The following C8orf34 variants were observed in gnomAD, a reference collection of about 807,000 sequenced individuals.
C8orf34 encodes the protein chromosome 8 open reading frame 34, also known as uncharacterized protein C8orf34.
In C8orf34, 65 loss-of-function variants were observed where a neutral mutation model predicts 68.3. The ratio of observed to expected loss-of-function variants is 0.95; its 90% CI spans 0.78 to 1.17. The LOEUF (loss-of-function observed/expected upper bound fraction) is 1.17. Among genes scored for constraint, C8orf34 ranks in the 50% most tolerant of loss-of-function variants. C8orf34 has a pLI of 0.00. For synonymous variants in C8orf34, 244 were observed against 241.2 expected, an observed-to-expected ratio of 1.01 and a Z score of -0.11; for missense variants, 664 against 655.4, an observed-to-expected ratio of 1.01 and a Z score of -0.14.
At chr8:68,662,871 A>G (rs1819723973) in intron 8 of C8orf34, among the ~76,000 whole-genome samples, 1 of 152,192 alleles carries the variant, frequency 6.6e-6, no homozygotes, top group Non-Finnish European at 1.5e-5. Context: ...AAAGCACCAT[A>G]CTTTGGAGTA....
intron 8 of C8orf34, among the ~76,000 whole-genome samples, chr8:68,671,005 C>T (rs1446849708): frequency 1.3e-5 from 2 of 152,150 alleles, no homozygotes; most frequent in African/African-American, 4.8e-5. Flanking sequence ...CCCTATCTAG[C>T]ACAACTTAAT....
chr8:68,748,617 C>G (rs1181316283), intron 10 of C8orf34, among the ~76,000 whole-genome samples: 2 of 152,098 alleles, frequency 1.3e-5, no homozygotes, highest in Non-Finnish European at 2.9e-5. Context: ...ATTTATGCAG[C>G]CAAAAAACAC....
chr8:68,479,210 C>T (rs6982746), intron 4 of C8orf34, among the ~76,000 whole-genome samples: 101,106 of 151,800 alleles, frequency 0.67, 34,002 homozygotes, highest in East Asian at 0.88. Flanking sequence ...ATGCAGTGGA[C>T]GGAAGAAGGA....
At chr8:68,356,022 A>G (rs1338107633) in intron 1 of C8orf34, among the ~76,000 whole-genome samples, 1 of 152,182 alleles carries the variant, frequency 6.6e-6, no homozygotes, top group Admixed American at 6.6e-5. Flanking sequence ...CTGCTTGAAT[A>G]TAAACTCCTT....
At chr8:68,774,260 G>A (rs184618595) in intron 10 of C8orf34, among the ~76,000 whole-genome samples, 20 of 150,572 alleles carry the variant, frequency 1.3e-4, no homozygotes, top group African/African-American at 4.7e-4. Flanking sequence ...GTGTCCGAAT[G>A]AGGGTAAGAT....
chr8:68,512,997 C>T (rs1376381277), intron 5 of C8orf34, among the ~76,000 whole-genome samples: 1 of 152,110 alleles, frequency 6.6e-6, no homozygotes, highest in Non-Finnish European at 1.5e-5. Context: ...TTCCATATGT[C>T]CCCAGGCCTT....
chr8:68,417,397 G>T (rs999547794), intron 1 of C8orf34, among the ~76,000 whole-genome samples: 1 of 151,988 alleles, frequency 6.6e-6, no homozygotes, highest in African/African-American at 2.4e-5. Context: ...TAATTTTAGT[G>T]TCTATCAGTC....
At position 68,460,994 on chromosome 8, in the gene C8orf34, G is replaced by A. The variant is rs11987518; in HGVS notation, c.608-7698G>A. ...AGGCTTCAGATGATCAAACTACTCC[G>A]AGCTACAGGAAGAAATTCAAACCAA... On this transcript the variant is annotated intron_variant, in intron 3 of 13. Coordinates refer to ENST00000518698, the MANE Select transcript of C8orf34 (RefSeq NM_052958.4). Among the ~76,000 whole-genome samples, 1,243 of 152,258 alleles carry A rather than the reference G, an allele frequency of 8.2e-3. 25 individuals are homozygous for A. The highest frequency in any genetic ancestry group is 0.028 in the African/African-American group (1,180 of 41,544).
intron 2 of C8orf34, among the ~76,000 whole-genome samples, chr8:68,444,581 C>T (rs930121657): frequency 2.0e-5 from 3 of 152,140 alleles, no homozygotes; most frequent in Non-Finnish European, 2.9e-5. Context: ...TGTTCTCTCT[C>T]CATATAGCTT....
At chr8:68,753,902 C>A (rs549971813) in intron 10 of C8orf34, among the ~76,000 whole-genome samples, 2 of 152,196 alleles carry the variant, frequency 1.3e-5, no homozygotes, top group Admixed American at 1.3e-4. Flanking sequence ...CTGCTCCTGG[C>A]CAGGAATAGA....
intron 2 of C8orf34, among the ~76,000 whole-genome samples, chr8:68,445,048 G>A (rs933217265): frequency 3.9e-5 from 6 of 152,122 alleles, no homozygotes; most frequent in Non-Finnish European, 5.9e-5. Flanking sequence ...CCTATATCCT[G>A]TCTTAACCTT....
intron 7 of C8orf34, among the ~76,000 whole-genome samples, chr8:68,626,294 C>T (rs62520960): frequency 1.2e-3 from 179 of 152,266 alleles, no homozygotes; most frequent in Admixed American, 3.1e-3. Flanking sequence ...CCATCCAAAT[C>T]TTGTTCCATT....
intron 7 of C8orf34, among the ~76,000 whole-genome samples, chr8:68,536,358 C>CAAAAAAAAAAAAA (rs10696903): frequency 4.1e-5 from 2 of 49,228 alleles, no homozygotes; most frequent in African/African-American, 1.7e-4. Flanking sequence ...GACCCTATCT[C>CAAAAAAAAAAAAA]AAAAAAAAAA....
chr8:68,544,126 T>C (rs1815791803), intron 7 of C8orf34, among the ~76,000 whole-genome samples: 1 of 152,068 alleles, frequency 6.6e-6, no homozygotes, highest in South Asian at 2.1e-4. Context: ...GAGAAGAGGG[T>C]ATGGACATAG....
At chr8:68,663,895 T>TG (rs1819760015) in intron 8 of C8orf34, among the ~76,000 whole-genome samples, 1 of 152,330 alleles carries the variant, frequency 6.6e-6, no homozygotes, top group African/African-American at 2.4e-5. Flanking sequence ...ACAAAGTGTT[T>TG]GGGGCAAAGA....
At chr8:68,680,156 A>G (rs1820324886) in intron 8 of C8orf34, among the ~76,000 whole-genome samples, 1 of 152,222 alleles carries the variant, frequency 6.6e-6, no homozygotes, top group African/African-American at 2.4e-5. Flanking sequence ...ATAGGAGGCC[A>G]TATTTGAAAA....
intron 5 of C8orf34, among the ~76,000 whole-genome samples, chr8:68,514,221 C>T (rs1814407220): frequency 6.6e-6 from 1 of 152,082 alleles, no homozygotes; most frequent in Non-Finnish European, 1.5e-5. Context: ...CAGTTCAGAT[C>T]CCAGCTTCCA....
At chr8:68,800,135 T>C (rs1045921561) in intron 12 of C8orf34, among the ~76,000 whole-genome samples, 3 of 152,162 alleles carry the variant, frequency 2.0e-5, no homozygotes, top group Non-Finnish European at 2.9e-5. Context: ...ATTAAGTAGA[T>C]AGCAGGAAAA....
At chr8:68,498,947 CA>C (rs1003751392) in intron 5 of C8orf34, among the ~76,000 whole-genome samples, 5 of 152,096 alleles carry the variant, frequency 3.3e-5, no homozygotes, top group Admixed American at 3.3e-4. Context: ...AAAATCACTT[CA>C]GGGGGTACAT....
Sources: gnomAD v4.1 joint callset for allele counts (sites outside exome capture counted in the v4.1 genomes callset) on GRCh38, gnomAD v4.1.1 for gene constraint, MANE v1.5 for transcripts, NCBI Gene and HGNC (gene_info 2026-07-23, HGNC 2026-07-21) for gene names.